The following EEFSEC variants were observed in gnomAD, a reference collection of about 807,000 sequenced individuals.
EEFSEC encodes the protein selenocysteine-specific elongation factor.
EEFSEC carries 43 observed loss-of-function variants against 42.1 expected under a neutral mutation model. That is an observed-to-expected ratio of 1.02 (90% CI 0.80 to 1.32). EEFSEC has a LOEUF of 1.32. Ranked by LOEUF, EEFSEC falls within the 40% of genes most tolerant of loss-of-function variation. The pLI is 0.00. For missense variants in EEFSEC, 745 were observed against 803.6 expected, an observed-to-expected ratio of 0.93 and a Z score of 0.88; for synonymous variants, 354 against 339.1, an observed-to-expected ratio of 1.04 and a Z score of -0.48.
At chr3:128,239,378 T>C (rs1238593958) in intron 1 of EEFSEC, among the ~76,000 whole-genome samples, 15 of 152,330 alleles carry the variant, frequency 9.8e-5, no homozygotes, top group Non-Finnish European at 1.3e-4. Context: ...GTCTGGGGCA[T>C]GTGGCAGGTG....
Position 128,163,733 on chromosome 3 carries a change from G to A in EEFSEC, c.316+9910G>A, listed in dbSNP as rs143169055. ...CCCTCTCCCAGGCCTAGGCAACCAC[G>A]AATCTACTTAATGTCTCTGGATTGA... On this transcript the variant is annotated intron_variant, in intron 1 of 6. Coordinates refer to ENST00000254730, the MANE Select transcript of EEFSEC (RefSeq NM_021937.5). 3.4e-4 allele frequency among the ~76,000 whole-genome samples: 52 copies of A among 151,944 alleles called. No homozygotes were observed. The East Asian group carries it at 3.7e-3, about 11-fold the overall frequency.
intron 6 of EEFSEC, among the ~76,000 whole-genome samples, chr3:128,381,557 T>A (rs898344986): frequency 1.3e-5 from 2 of 152,162 alleles, no homozygotes; most frequent in African/African-American, 4.8e-5. Context: ...GATCTGTACA[T>A]TCATGCGTCA....
chr3:128,322,629 A>G (rs1007349329), intron 4 of EEFSEC, among the ~76,000 whole-genome samples: 2 of 152,176 alleles, frequency 1.3e-5, no homozygotes, highest in Non-Finnish European at 2.9e-5. Context: ...AGAACATGTG[A>G]GATTGTGAGC....
intron 1 of EEFSEC, among the ~76,000 whole-genome samples, chr3:128,159,722 C>T (rs926195309): frequency 6.6e-5 from 10 of 152,206 alleles, no homozygotes; most frequent in Admixed American, 1.3e-4. Flanking sequence ...AGGACATTTG[C>T]ACCTGTTGTT....
chr3:128,264,816 C>T lies in EEFSEC; in HGVS notation c.786+35C>T, dbSNP rs770050424. 1.4e-5 allele frequency: 22 copies of T among 1,595,796 alleles called. No homozygotes were observed. The East Asian group carries it at 2.2e-4, about 16-fold the overall frequency. On this transcript the variant is annotated intron_variant, in intron 4 of 6. Transcript: ENST00000254730. ...ACCTTGTCTTCCCTTCTGGCCTCCT[C>T]GCTGGCAGCAAGGGAGGGGGACTGT...
At chr3:128,408,668 C>G (rs2068151536), downstream of EEFSEC, 1 of 166,358 alleles carries the variant, frequency 6.0e-6, no homozygotes. Context: ...CTCTCTGTGA[C>G]TTCACTAGGT....
At chr3:128,397,729 T>C (rs904279404) in intron 6 of EEFSEC, among the ~76,000 whole-genome samples, 4 of 152,282 alleles carry the variant, frequency 2.6e-5, no homozygotes, top group Non-Finnish European at 5.9e-5. Flanking sequence ...AGCTGGCCTC[T>C]ACTCATCAAG....
In EEFSEC at chr3:128,408,129, C is replaced by T; in HGVS notation, c.1661C>T (p.Ala554Val). 2 of 1,610,620 alleles carry T rather than the reference C, an allele frequency of 1.2e-6. No homozygotes were observed. The highest frequency in any genetic ancestry group is 1.7e-6 in the Non-Finnish European group (2 of 1,178,342). Residue 554 changes from alanine to valine, a missense_variant, in exon 7 of 7, where the codon GCT (alanine) becomes GTT (valine). Ala to Val is a moderately conservative substitution (Grantham distance 64). Transcript: ENST00000254730. The part of the protein sequence containing the change: ...LTPALKKRAR[A>V]GRGEATRQEE... Reference sequence around the variant, plus strand: ...CCCGCCCTCAAGAAGCGGGCCCGGGCTGGCCGTGGGGAGGCCACCAGGCAG... The same window carrying T: ...CCCGCCCTCAAGAAGCGGGCCCGGGTTGGCCGTGGGGAGGCCACCAGGCAG...
At chr3:128,234,372 CT>C (rs1234359754) in intron 1 of EEFSEC, among the ~76,000 whole-genome samples, 1 of 152,030 alleles carries the variant, frequency 6.6e-6, no homozygotes, top group Non-Finnish European at 1.5e-5. Flanking sequence ...CATTTTTAAG[CT>C]TTTTATTTCA....
intron 4 of EEFSEC, 143 bp from the exon 5 acceptor site, chr3:128,341,090 T>C: frequency 1.0e-6 from 1 of 975,916 alleles, no homozygotes; most frequent in African/African-American, 1.6e-5. Context: ...AGAGTGTGCC[T>C]GGGCCCCAGA....
At chr3:128,191,837 A>G (rs1368055118) in intron 1 of EEFSEC, among the ~76,000 whole-genome samples, 1 of 152,038 alleles carries the variant, frequency 6.6e-6, no homozygotes, top group African/African-American at 2.4e-5. Context: ...GATAGACCAC[A>G]TTTTGTTTTT....
At chr3:128,170,761 G>T (rs927443300) in intron 1 of EEFSEC, among the ~76,000 whole-genome samples, 1 of 152,164 alleles carries the variant, frequency 6.6e-6, no homozygotes, top group African/African-American at 2.4e-5. Flanking sequence ...GTACTACTTA[G>T]TCATTTTTGT....
At chr3:128,355,936 G>A (rs2067447927) in intron 5 of EEFSEC, among the ~76,000 whole-genome samples, 1 of 152,250 alleles carries the variant, frequency 6.6e-6, no homozygotes, top group Admixed American at 6.5e-5. Context: ...ATGGGCCACA[G>A]GGAACGCTGT....
intron 1 of EEFSEC, among the ~76,000 whole-genome samples, chr3:128,188,072 C>G (rs1200816447): frequency 1.3e-5 from 2 of 152,096 alleles, no homozygotes; most frequent in African/African-American, 4.8e-5. Context: ...CTGTGGTTTA[C>G]AGAGTTTACC....
At chr3:128,177,825 A>G (rs772001907) in intron 1 of EEFSEC, among the ~76,000 whole-genome samples, 25 of 152,210 alleles carry the variant, frequency 1.6e-4, no homozygotes, top group Non-Finnish European at 2.9e-4. Context: ...TTGCTTTTAT[A>G]AATAGGAAAA....
chr3:128,217,684 C>T (rs9879865), intron 1 of EEFSEC, among the ~76,000 whole-genome samples: 107,260 of 151,514 alleles, frequency 0.71, 38,175 homozygotes, highest in East Asian at 0.89. Flanking sequence ...TAGCACCAGC[C>T]CCCCCTGGTC....
chr3:128,232,281 A>T (rs1007427019), intron 1 of EEFSEC, among the ~76,000 whole-genome samples: 1 of 152,244 alleles, frequency 6.6e-6, no homozygotes, highest in African/African-American at 2.4e-5. Context: ...ACCTCAAAGA[A>T]TTTAAAATAA....
chr3:128,341,266 C>T lies in EEFSEC; in HGVS notation c.820C>T (p.His274Tyr). The T allele has an allele frequency of 1.9e-6, 3 of 1,613,060 alleles. No individual in the cohort carries two copies. The highest frequency in any genetic ancestry group is 2.5e-6 in the Non-Finnish European group (3 of 1,179,454). Residue 274 changes from histidine (H) to tyrosine (Y), a missense_variant, in exon 5 of 7, where the codon CAC (histidine) becomes TAC (tyrosine). His to Tyr is a moderately conservative substitution (Grantham distance 83). Transcript: ENST00000254730. ...GAAGGTGAAGTCCATGCAGATGTTC[C>T]ACATGCCCATCACTTCAGCCATGCA... ...VKKVKSMQMF[H>Y]MPITSAMQGD...
intron 4 of EEFSEC, among the ~76,000 whole-genome samples, chr3:128,280,312 C>A (rs183348247): frequency 1.3e-5 from 2 of 152,350 alleles, no homozygotes; most frequent in Non-Finnish European, 2.9e-5. Flanking sequence ...AAATCTTTTA[C>A]AACGAGCTGG....
Sources: allele counts gnomAD v4.1 joint callset (sites outside exome capture counted in the v4.1 genomes callset), GRCh38; gene constraint gnomAD v4.1.1; transcripts MANE v1.5; gene names NCBI Gene and HGNC (gene_info 2026-07-23, HGNC 2026-07-21).